The following DAB1 variants were observed in gnomAD, a reference collection of about 807,000 sequenced individuals.
The protein encoded by DAB1 is disabled homolog 1.
A neutral mutation model predicts 64.6 loss-of-function variants in DAB1; 15 were observed. That is an observed-to-expected ratio of 0.23 (90% CI 0.16 to 0.36). The LOEUF (loss-of-function observed/expected upper bound fraction) is 0.36, where lower values mean the gene tolerates loss of function less well. Ranked by LOEUF, DAB1 falls within the 10% of genes least tolerant of loss-of-function variation. The probability of loss-of-function intolerance (pLI) is 1.00; values close to 1 mark genes in which losing one functional copy is unlikely to be tolerated. For synonymous variants in DAB1, 235 were observed against 251.9 expected (o/e 0.93, Z 0.64); for missense variants, 596 against 706.7 (o/e 0.84, Z 1.78).
intron 1 of DAB1, among the ~76,000 whole-genome samples, chr1:57,336,136 T>C (rs1677059791): frequency 6.6e-6 from 1 of 152,164 alleles, no homozygotes; most frequent in African/African-American, 2.4e-5. Flanking sequence ...ATTTTCGAAA[T>C]TTCCCCTTGT....
intron 2 of DAB1, among the ~76,000 whole-genome samples, chr1:57,225,590 C>T (rs1467613250): frequency 2.0e-5 from 3 of 152,098 alleles, no homozygotes; most frequent in African/African-American, 7.2e-5. Context: ...AAGAAGCTCA[C>T]GGTGTACGGT....
chr1:58,037,449 G>A (rs2100495303), intron 5 of DAB1, among the ~76,000 whole-genome samples: 1 of 152,286 alleles, frequency 6.6e-6, no homozygotes, highest in East Asian at 1.9e-4. Flanking sequence ...TGGCAGCCGA[G>A]CATTACCACC....
At chr1:58,260,687 T>C (rs1025302143) in intron 4 of DAB1, among the ~76,000 whole-genome samples, 4 of 152,224 alleles carry the variant, frequency 2.6e-5, no homozygotes, top group South Asian at 2.1e-4. Context: ...GTGTTATACA[T>C]AGGTGCACAC....
At chr1:57,790,577 C>G (rs1282516334) in intron 6 of DAB1, among the ~76,000 whole-genome samples, 1 of 152,100 alleles carries the variant, frequency 6.6e-6, no homozygotes, top group East Asian at 1.9e-4. Context: ...AGAACCAGCC[C>G]AAAGCAACTT....
intron 5 of DAB1, among the ~76,000 whole-genome samples, chr1:58,006,663 A>G (rs2100418573): frequency 6.6e-6 from 1 of 152,196 alleles, no homozygotes; most frequent in East Asian, 1.9e-4. Flanking sequence ...GCCAGAGGAG[A>G]CCTATCATCA....
At chr1:58,283,020 C>A (rs139763325) in intron 4 of DAB1, among the ~76,000 whole-genome samples, 51 of 150,180 alleles carry the variant, frequency 3.4e-4, no homozygotes, top group African/African-American at 1.1e-3. Flanking sequence ...AATTGCCTTT[C>A]ACTTCCCCAA....
At chr1:58,451,920 CTTTT>C (rs34824870) in intron 3 of DAB1, among the ~76,000 whole-genome samples, 2 of 137,968 alleles carry the variant, frequency 1.4e-5, no homozygotes. Flanking sequence ...TTTTTCTTTC[CTTTT>C]TTTTTTTTTT....
chr1:57,475,322 C>T (rs773169907), intron 7 of DAB1, among the ~76,000 whole-genome samples: 8 of 152,022 alleles, frequency 5.3e-5, no homozygotes, highest in Non-Finnish European at 1.0e-4. Context: ...GACATCAGTC[C>T]GGATGTTGCA....
chr1:58,378,871 A>G lies in DAB1; in HGVS notation n.258-35468T>C, dbSNP rs1172427051. On this transcript the variant is annotated intron_variant and non_coding_transcript_variant, in intron 3 of 20. Transcript: ENST00000485760. ...GGACCCTCCGAGCCAGGTGTGGGAT[A>G]TAGTCTCGTGGTGCGCCGTTTTTTA... Among the ~76,000 whole-genome samples, 2 of 81,238 alleles carry G rather than the reference A, an allele frequency of 2.5e-5. 1 individual carries two copies. The highest frequency in any genetic ancestry group is 4.7e-5 in the Non-Finnish European group (2 of 42,710). 53.3% of individuals were successfully genotyped at this position (81,238 alleles called of 152,430 possible).
chr1:57,727,726 C>CTCCTTCCTTCTTTCCTTCCTTCCT, intron 6 of DAB1, among the ~76,000 whole-genome samples: 2 of 137,124 alleles, frequency 1.5e-5, no homozygotes, highest in East Asian at 4.4e-4. Context: ...CCTTCCTTCT[C>CTCCTTCCTTCTTTCCTTCCTTCCT]TCCTTCCTTC....
At chr1:58,252,053 A>T (rs1395898252) in intron 4 of DAB1, among the ~76,000 whole-genome samples, 2 of 152,200 alleles carry the variant, frequency 1.3e-5, no homozygotes, top group East Asian at 3.9e-4. Context: ...TTAACTGGAA[A>T]ATATAAATAA....
rs374879729 is a variant in DAB1 at position 57,135,554 on chromosome 1, G to T, written c.306+989C>A. Among the ~76,000 whole-genome samples the T allele has an allele frequency of 4.1e-4, 62 of 152,258 alleles. 1 individual carries two copies. The South Asian group carries it at 0.013, about 32-fold the overall frequency. Reference sequence around the variant, plus strand: ...CCTTTTGGCTACTGAAAGTAATGCCGTTATGATCAGAGGTGTACAAATATC... The same window carrying T: ...CCTTTTGGCTACTGAAAGTAATGCCTTTATGATCAGAGGTGTACAAATATC... On this transcript the variant is annotated intron_variant, in intron 4 of 14. Transcript: ENST00000371236.
chr1:57,375,364 G>A (rs1043748584), intron 1 of DAB1, among the ~76,000 whole-genome samples: 1 of 152,180 alleles, frequency 6.6e-6, no homozygotes, highest in Admixed American at 6.5e-5. Context: ...CACTTGCTCA[G>A]GTAATAGAGC....
At chr1:57,536,626 T>C (rs1337389943) in intron 7 of DAB1, among the ~76,000 whole-genome samples, 2 of 137,972 alleles carry the variant, frequency 1.4e-5, no homozygotes, top group Admixed American at 7.3e-5. Flanking sequence ...AAAAAAAAAA[T>C]TGAGTGAATT....
intron 7 of DAB1, among the ~76,000 whole-genome samples, chr1:57,635,824 G>C (rs542179089): frequency 1.1e-4 from 16 of 152,154 alleles, no homozygotes; most frequent in African/African-American, 3.9e-4. Context: ...GGCCAGGTGC[G>C]GTGGCTCACG....
At chr1:57,948,618 T>C (rs1645219081) in intron 5 of DAB1, among the ~76,000 whole-genome samples, 1 of 152,176 alleles carries the variant, frequency 6.6e-6, no homozygotes, top group Admixed American at 6.5e-5. Context: ...TCAGTTAATG[T>C]ACATCTTGGC....
At chr1:58,385,915 T>C (rs745652777) in intron 3 of DAB1, among the ~76,000 whole-genome samples, 30 of 152,172 alleles carry the variant, frequency 2.0e-4, no homozygotes, top group Non-Finnish European at 3.2e-4. Flanking sequence ...CTGCTCCTCC[T>C]ACCAAGGATA....
At chr1:57,299,283 A>C (rs1363538907) in intron 1 of DAB1, among the ~76,000 whole-genome samples, 1 of 152,238 alleles carries the variant, frequency 6.6e-6, no homozygotes, top group Non-Finnish European at 1.5e-5. Context: ...ACTCATCTGT[A>C]AAATGGAACA....
At chr1:57,098,342 A>G (rs1046775422) in intron 4 of DAB1, among the ~76,000 whole-genome samples, 3 of 152,212 alleles carry the variant, frequency 2.0e-5, no homozygotes, top group Non-Finnish European at 2.9e-5. Context: ...AATTTTACAA[A>G]TAAGGAAACT....
Sources: allele counts gnomAD v4.1 joint callset (sites outside exome capture counted in the v4.1 genomes callset), GRCh38; gene constraint gnomAD v4.1.1; transcripts MANE v1.5; gene names NCBI Gene and HGNC (gene_info 2026-07-23, HGNC 2026-07-21).